The following TINAG variants were observed in gnomAD, a reference collection of about 807,000 sequenced individuals.
TINAG encodes the protein tubulointerstitial nephritis antigen.
Under a neutral mutation model 72.7 loss-of-function variants are expected in TINAG, and 83 were observed. The observed-to-expected ratio is 1.14, with a 90% CI of 0.96 to 1.37. TINAG has a LOEUF of 1.37. Among genes scored for constraint, TINAG ranks in the 40% most tolerant of loss-of-function variants. The pLI, the probability that TINAG is intolerant of heterozygous loss-of-function variation, is 0.00. For synonymous variants in TINAG, 234 were observed against 189.9 expected (o/e 1.23, Z -1.91); for missense variants, 685 against 576.6 (o/e 1.19, Z -1.93).
intron 9 of TINAG, among the ~76,000 whole-genome samples, chr6:54,361,650 T>C (rs1196198501): frequency 6.6e-6 from 1 of 151,636 alleles, no homozygotes; most frequent in Non-Finnish European, 1.5e-5. Context: ...TAGTCACACA[T>C]TTCTCACTTT....
At chr6:54,341,865 G>A (rs1785004046) in intron 4 of TINAG, among the ~76,000 whole-genome samples, 1 of 152,132 alleles carries the variant, frequency 6.6e-6, no homozygotes, top group African/African-American at 2.4e-5. Flanking sequence ...TGTAGTCCTA[G>A]GAGCATTTCT....
At chr6:54,313,970 G>A (rs1784316407) in intron 1 of TINAG, among the ~76,000 whole-genome samples, 3 of 152,040 alleles carry the variant, frequency 2.0e-5, no homozygotes. Flanking sequence ...AGCATTGAGG[G>A]TCATAAGAAA....
intron 3 of TINAG, among the ~76,000 whole-genome samples, chr6:54,323,407 T>C (rs1481065470): frequency 6.6e-6 from 1 of 152,208 alleles, no homozygotes; most frequent in Non-Finnish European, 1.5e-5. Flanking sequence ...TCAAATTGTT[T>C]TTATGTGTAA....
intron 4 of TINAG, among the ~76,000 whole-genome samples, chr6:54,327,572 C>T (rs1784637357): frequency 6.6e-6 from 1 of 151,888 alleles, no homozygotes; most frequent in African/African-American, 2.4e-5. Flanking sequence ...TTTTTTCATA[C>T]CCCAGTAGTG....
chr6:54,378,389 G>A (rs764556373), intron 9 of TINAG, among the ~76,000 whole-genome samples: 3 of 152,080 alleles, frequency 2.0e-5, no homozygotes, highest in Non-Finnish European at 4.4e-5. Context: ...TTCTCTCTGG[G>A]TTTAGAATGA....
At chr6:54,381,532 A>G (rs1034745224) in intron 10 of TINAG, among the ~76,000 whole-genome samples, 1 of 151,952 alleles carries the variant, frequency 6.6e-6, no homozygotes, top group African/African-American at 2.4e-5. Context: ...GAATTCAATC[A>G]CCCAATTATG....
At chr6:54,360,839 G>GTTTTTTTTT (rs773926586) in intron 9 of TINAG, among the ~76,000 whole-genome samples, 12 of 16,924 alleles carry the variant, frequency 7.1e-4, no homozygotes, top group Non-Finnish European at 1.2e-3. Context: ...CACAGATACT[G>GTTTTTTTTT]TGTTTTTTTT....
intron 9 of TINAG, among the ~76,000 whole-genome samples, chr6:54,379,001 T>C (rs1562184974): frequency 6.6e-6 from 1 of 152,130 alleles, no homozygotes. Context: ...GTGCCATCAT[T>C]CTATTCTGTG....
chr6:54,334,630 TGA>T (rs1483247313), intron 4 of TINAG, among the ~76,000 whole-genome samples: 2 of 152,188 alleles, frequency 1.3e-5, no homozygotes, highest in African/African-American at 2.4e-5. Flanking sequence ...AAGCCAAGAT[TGA>T]GAGAGGTTAA....
chr6:54,340,364 C>T (rs1784968026), intron 4 of TINAG, among the ~76,000 whole-genome samples: 1 of 150,780 alleles, frequency 6.6e-6, no homozygotes, highest in African/African-American at 2.4e-5. Context: ...TCACTATCAG[C>T]TGATCTTCTT....
At position 54,320,625 on chromosome 6, in the gene TINAG, A is replaced by G. The variant is rs1167891587; in HGVS notation, c.402A>G (p.Lys134=). 6.2e-7 allele frequency: 1 copy of G among 1,609,042 alleles called. No individual in the cohort carries two copies. ...ATTATGAAGAGGGATCAGTAATTAA[A>G]GAAAACTGCAACTCCTGGTAATAAA... is the stretch of plus-strand genomic sequence containing the variant. The part of the protein sequence containing the change: ...GQHYEEGSVI[K]ENCNSCTCSG... The change falls in exon 2 of 11, where the codon AAA becomes AAG. Residue 134 remains lysine (K), a synonymous_variant. Transcript: ENST00000259782.
At chr6:54,335,572 C>T (rs559555560) in intron 4 of TINAG, among the ~76,000 whole-genome samples, 2 of 152,212 alleles carry the variant, frequency 1.3e-5, no homozygotes, top group South Asian at 4.1e-4. Context: ...TCAGAAATAA[C>T]AGCAAGTGTT....
chr6:54,326,207 C>G (rs1239836887), intron 3 of TINAG, among the ~76,000 whole-genome samples: 2 of 151,688 alleles, frequency 1.3e-5, no homozygotes, highest in Non-Finnish European at 2.9e-5. Flanking sequence ...TTCACATCAA[C>G]TGATTTTTTA....
intron 1 of TINAG, among the ~76,000 whole-genome samples, chr6:54,313,346 T>A (rs1784301473): frequency 6.6e-6 from 1 of 152,122 alleles, no homozygotes; most frequent in Non-Finnish European, 1.5e-5. Flanking sequence ...GTGACAAGAT[T>A]GGGCAGACAA....
At chr6:54,344,536 G>A (rs891034264) in intron 5 of TINAG, among the ~76,000 whole-genome samples, 9 of 152,126 alleles carry the variant, frequency 5.9e-5, no homozygotes, top group Non-Finnish European at 1.2e-4. Flanking sequence ...ATAATAAACC[G>A]TTTGCCATTT....
chr6:54,356,200 C>G lies in TINAG; in HGVS notation c.1250+1564C>G, dbSNP rs191635447. 2.0e-5 allele frequency among the ~76,000 whole-genome samples: 3 copies of G among 151,720 alleles called. No homozygotes were observed. The East Asian group carries it at 5.9e-4, about 30-fold the overall frequency. On this transcript the variant is annotated intron_variant, in intron 9 of 10. Transcript: ENST00000259782. ...TCATTTTTAATAAAATGAAGATACACTCTCTACTAAAATTAACAACTTAAA... is the reference window on the plus strand; with the variant it reads ...TCATTTTTAATAAAATGAAGATACAGTCTCTACTAAAATTAACAACTTAAA...
At chr6:54,355,714 C>CGTGTGT (rs5876379) in intron 9 of TINAG, among the ~76,000 whole-genome samples, 44,593 of 144,940 alleles carry the variant, frequency 0.31, 8,237 homozygotes, top group Non-Finnish European at 0.42. Context: ...AAAAATGTAA[C>CGTGTGT]GTGTGTGTGT....
intron 6 of TINAG, among the ~76,000 whole-genome samples, chr6:54,348,270 G>GT (rs1321264462): frequency 6.6e-6 from 1 of 152,026 alleles, no homozygotes; most frequent in Non-Finnish European, 1.5e-5. Context: ...TTTTTCATAC[G>GT]TTTTGCCTAA....
At chr6:54,326,144 G>A (rs937034943) in intron 3 of TINAG, among the ~76,000 whole-genome samples, 1 of 151,612 alleles carries the variant, frequency 6.6e-6, no homozygotes, top group Non-Finnish European at 1.5e-5. Flanking sequence ...ATTTTGAAGA[G>A]AATTTTTTTT....
Sources: allele counts gnomAD v4.1 joint callset (sites outside exome capture counted in the v4.1 genomes callset), GRCh38; gene constraint gnomAD v4.1.1; transcripts MANE v1.5; gene names NCBI Gene and HGNC (gene_info 2026-07-23, HGNC 2026-07-21).